The following PTPRK variants were observed in gnomAD, a reference collection of about 807,000 sequenced individuals.
PTPRK encodes the protein protein tyrosine phosphatase receptor type K, also known as receptor-type tyrosine-protein phosphatase kappa.
In PTPRK, 75 loss-of-function variants were observed where a neutral mutation model predicts 178.0. The ratio of observed to expected loss-of-function variants is 0.42; its 90% CI spans 0.35 to 0.51. PTPRK has a LOEUF of 0.51. Among genes scored for constraint, PTPRK ranks in the 20% least tolerant of loss-of-function variants. PTPRK has a pLI of 0.02. For synonymous variants in PTPRK, 637 were observed against 620.6 expected (o/e 1.03, Z -0.39); for missense variants, 1,441 against 1,797.8 (o/e 0.80, Z 3.59).
At position 128,089,565 on chromosome 6, in the gene PTPRK, A is replaced by G; in HGVS notation, c.1465+125T>C. ...GCAATTTTTTTCCAAAGTTAATCTC[A>G]TTAATAACATTTAGATGATTTCAGA... On this transcript the variant is annotated intron_variant, in intron 8 of 29. Coordinates refer to ENST00000368226, the MANE Select transcript of PTPRK (RefSeq NM_002844.4). 4.7e-6 allele frequency: 5 copies of G among 1,067,008 alleles called. 1 individual carries two copies. In the South Asian group the frequency reaches 7.9e-5, roughly 17 times the overall value. 66.1% of individuals were successfully genotyped at this position (1,067,008 alleles called of 1,614,324 possible).
chr6:128,446,411 C>T (rs938886811), intron 1 of PTPRK, among the ~76,000 whole-genome samples: 4 of 152,192 alleles, frequency 2.6e-5, no homozygotes, highest in South Asian at 2.1e-4. Context: ...CTGTACAAAC[C>T]GCTTTCCACA....
intron 13 of PTPRK, among the ~76,000 whole-genome samples, chr6:128,059,660 C>T (rs1050881761): frequency 3.9e-5 from 6 of 152,092 alleles, no homozygotes; most frequent in African/African-American, 9.7e-5. Context: ...ACTTCTCTCC[C>T]GTAGACGTGG....
intron 13 of PTPRK, among the ~76,000 whole-genome samples, chr6:128,055,024 GAAAT>G (rs1183077594): frequency 6.6e-6 from 1 of 152,044 alleles, no homozygotes; most frequent in Non-Finnish European, 1.5e-5. Flanking sequence ...ATTTAATAAA[GAAAT>G]AAATAACTTT....
chr6:128,359,578 C>T (rs2128341537), intron 2 of PTPRK, among the ~76,000 whole-genome samples: 1 of 151,860 alleles, frequency 6.6e-6, no homozygotes, highest in South Asian at 2.1e-4. Flanking sequence ...ATGATGAAAC[C>T]CCACCTCTAC....
intron 1 of PTPRK, chr6:128,491,704 T>A: frequency 2.1e-6 from 1 of 485,432 alleles, no homozygotes; most frequent in Non-Finnish European, 4.1e-6. Context: ...AGGCTTACAT[T>A]AATCTATCAT....
chr6:128,298,530 T>A (rs1264977514), intron 3 of PTPRK, among the ~76,000 whole-genome samples: 1 of 152,046 alleles, frequency 6.6e-6, no homozygotes. Flanking sequence ...TATGATCAAG[T>A]GGGCTTCATC....
At chr6:128,500,821 T>G (rs1192428858) in intron 1 of PTPRK, 1 of 152,226 alleles carries the variant, frequency 6.6e-6, no homozygotes, top group Non-Finnish European at 1.5e-5. Context: ...TATACTCTGT[T>G]GCCCGGGCTA....
In PTPRK at chr6:127,981,194, C is replaced by T. The variant is rs781122360; in HGVS notation, c.3633G>A (p.Leu1211=). The T allele has an allele frequency of 6.2e-7, 1 of 1,613,968 alleles. No individual in the cohort carries two copies. The highest frequency in any genetic ancestry group is 8.5e-7 in the Non-Finnish European group (1 of 1,179,940). ...NHDKNRFMDM[L]PPDRCLPFLI... ...AAAAAGGCAGACATCTGTCAGGTGG[C>T]AGCATGTCCATGAAACGGTTCTTGT... Residue 1211 remains leucine (L), a synonymous_variant, in exon 25 of 30, where the codon CTG becomes CTA. Transcript: ENST00000368226.
At chr6:128,271,449 C>G (rs1819807212) in intron 3 of PTPRK, among the ~76,000 whole-genome samples, 1 of 152,140 alleles carries the variant, frequency 6.6e-6, no homozygotes, top group African/African-American at 2.4e-5. Context: ...TCACCCCTAT[C>G]CTGTTATCAG....
chr6:128,404,506 A>T lies in PTPRK; in HGVS notation c.101-6818T>A, dbSNP rs549669569. ...ATCAGCTATTAAAAGGAAAAAGGTCATCAGTTCTTTGTTTTAAATACAGGT... is the reference window on the plus strand; with the variant it reads ...ATCAGCTATTAAAAGGAAAAAGGTCTTCAGTTCTTTGTTTTAAATACAGGT... On this transcript the variant is annotated intron_variant, in intron 1 of 29. Coordinates refer to ENST00000368226, the MANE Select transcript of PTPRK (RefSeq NM_002844.4). Among the ~76,000 whole-genome samples the T allele has an allele frequency of 5.9e-5, 9 of 152,350 alleles. No individual in the cohort carries two copies. The South Asian group carries it at 1.9e-3, about 32-fold the overall frequency.
chr6:128,313,710 C>T (rs892342401), intron 3 of PTPRK, among the ~76,000 whole-genome samples: 2 of 152,066 alleles, frequency 1.3e-5, no homozygotes, highest in Non-Finnish European at 1.5e-5. Context: ...ATCTGAGGAG[C>T]TCAATATCAG....
At chr6:128,340,081 A>C (rs1831464780) in intron 2 of PTPRK, among the ~76,000 whole-genome samples, 1 of 152,236 alleles carries the variant, frequency 6.6e-6, no homozygotes, top group Non-Finnish European at 1.5e-5. Flanking sequence ...AGCAAAAAGA[A>C]GACGCAGAAA....
chr6:128,459,009 C>A (rs1210409667), intron 1 of PTPRK, among the ~76,000 whole-genome samples: 1 of 152,088 alleles, frequency 6.6e-6, no homozygotes, highest in Admixed American at 6.6e-5. Context: ...AAGCCATCCT[C>A]ATGGCTTGAA....
intron 9 of PTPRK, 25 bp downstream of exon 9, chr6:128,083,690 A>G (rs752197018): frequency 4.2e-6 from 6 of 1,439,808 alleles, no homozygotes; most frequent in Non-Finnish European, 5.7e-6. Context: ...CCACATTTCA[A>G]TTAACTTCCT....
chr6:128,033,472 A>G (rs993244209), intron 13 of PTPRK, among the ~76,000 whole-genome samples: 5 of 152,256 alleles, frequency 3.3e-5, no homozygotes, highest in Non-Finnish European at 7.3e-5. Flanking sequence ...TATGTCTGCT[A>G]TTATTGCATT....
intron 2 of PTPRK, among the ~76,000 whole-genome samples, chr6:128,364,987 A>G (rs1001799997): frequency 1.3e-5 from 2 of 152,018 alleles, no homozygotes; most frequent in Non-Finnish European, 2.9e-5. Context: ...TATGAGTTTG[A>G]TAAGCTATGT....
chr6:128,178,290 T>C (rs1801392585), intron 7 of PTPRK, among the ~76,000 whole-genome samples: 2 of 151,880 alleles, frequency 1.3e-5, no homozygotes, highest in African/African-American at 4.8e-5. Flanking sequence ...AATGTTGTCT[T>C]CTCAATGTTT....
chr6:128,150,309 A>AT (rs1288550500), intron 7 of PTPRK, among the ~76,000 whole-genome samples: 11 of 152,174 alleles, frequency 7.2e-5, no homozygotes, highest in African/African-American at 2.7e-4. Context: ...ACACAAATAC[A>AT]TAGTGGTCAA....
chr6:128,170,755 C>T (rs1292427935), intron 7 of PTPRK, among the ~76,000 whole-genome samples: 1 of 151,882 alleles, frequency 6.6e-6, no homozygotes, highest in Non-Finnish European at 1.5e-5. Flanking sequence ...AACATTTAAG[C>T]AGTACAAAAT....
Sources: allele counts gnomAD v4.1 joint callset (sites outside exome capture counted in the v4.1 genomes callset), GRCh38; gene constraint gnomAD v4.1.1; transcripts MANE v1.5; gene names NCBI Gene and HGNC (gene_info 2026-07-23, HGNC 2026-07-21).